MYBPC2: variants seen among roughly 807,000 people sequenced by gnomAD.
MYBPC2 encodes myosin binding protein C2.
MYBPC2 carries 122 observed loss-of-function variants against 137.0 expected under a neutral mutation model. The ratio of observed to expected loss-of-function variants is 0.89; its 90% CI spans 0.77 to 1.03. The LOEUF (loss-of-function observed/expected upper bound fraction) is 1.03. Among genes scored for constraint, MYBPC2 ranks in the 50% least tolerant of loss-of-function variants. The pLI is 0.00. For synonymous variants in MYBPC2, 626 were observed against 612.3 expected, an observed-to-expected ratio of 1.02 and a Z score of -0.33; for missense variants, 1,500 against 1,534.4, an observed-to-expected ratio of 0.98 and a Z score of 0.37.
intron 20 of MYBPC2, among the ~76,000 whole-genome samples, chr19:50,456,433 CTCTT>C (rs1177122162): frequency 1.3e-4 from 5 of 39,452 alleles, no homozygotes; most frequent in Non-Finnish European, 2.3e-4. Context: ...TTCTCTCTCT[CTCTT>C]TTTTTTTTTT....
Position 50,436,141 on chromosome 19 carries a change from C to A in MYBPC2, c.326C>A (p.Ser109Tyr). 1 of 1,581,858 alleles carries A rather than the reference C, an allele frequency of 6.3e-7. No homozygotes were observed. Among genetic ancestry groups the A allele is most frequent in the Non-Finnish European group, 8.6e-7 (1 of 1,164,270 alleles). ...GGCGCCCGCTTCTCCTTCAAGGAGT[C>A]CCACAACTCCGCCAGCAATGTGAGG... ...KSGARFSFKE[S>Y]HNSASNVYTV... The change falls in exon 4 of 28, where the codon TCC (serine) becomes TAC (tyrosine). Residue 109 changes from serine to tyrosine, a missense_variant. Ser to Tyr is a moderately radical substitution (Grantham distance 144). Coordinates refer to ENST00000357701, the MANE Select transcript of MYBPC2 (RefSeq NM_004533.4).
At chr19:50,459,035 G>A in intron 22 of MYBPC2, 29 bp downstream of exon 22, 3 of 1,584,546 alleles carry the variant, frequency 1.9e-6, no homozygotes, top group South Asian at 2.3e-5. Flanking sequence ...CGGGCCGGGG[G>A]TCCGCTCTCG....
rs1272036845 is a variant in MYBPC2 at position 50,465,567 on chromosome 19, C to T, written c.3416-628C>T. Among the ~76,000 whole-genome samples the T allele has an allele frequency of 6.6e-6, 1 of 152,218 alleles. No homozygotes were observed. The highest frequency in any genetic ancestry group is 1.9e-4 in the East Asian group (1 of 5,192). ...TCAGAGAGGACACTTTCTAGCCAAG[C>T]ACGGTGGCTCTCGCCTGTAATCCCA... is the stretch of plus-strand genomic sequence containing the variant. On this transcript the variant is annotated intron_variant, in intron 27 of 27. Coordinates refer to ENST00000357701, the MANE Select transcript of MYBPC2 (RefSeq NM_004533.4). The surrounding 1 kb of genome is among the most constrained non-coding windows in gnomAD (Gnocchi z 4.5).
chr19:50,436,484 C>G (rs1048899316), intron 4 of MYBPC2, 133 bp from the exon 5 acceptor site: 2 of 833,292 alleles, frequency 2.4e-6, no homozygotes, highest in African/African-American at 3.4e-5. Flanking sequence ...GCTGAGACCC[C>G]TCTCGGTCTC....
In MYBPC2 at chr19:50,460,167, C is replaced by G. The variant is rs1568669142; in HGVS notation, c.2919C>G (p.Asp973Glu). 1 of 1,599,452 alleles carries G rather than the reference C, an allele frequency of 6.3e-7. No individual in the cohort carries two copies. The highest frequency in any genetic ancestry group is 8.5e-7 in the Non-Finnish European group (1 of 1,173,786). Residue 973 changes from aspartate to glutamate, a missense_variant, in exon 24 of 28, where the codon GAC (aspartate) becomes GAG (glutamate). Coordinates refer to ENST00000357701, the MANE Select transcript of MYBPC2 (RefSeq NM_004533.4). The stretch of plus-strand genomic sequence containing the variant: ...TGGGGTATTTCGTCCAGAAAGCAGA[C>G]AAAAAAACCATGGTGAGAGAGCAGA... ...EIMGYFVQKADKKTMEWFNVY... is the reference protein window; with the variant it reads ...EIMGYFVQKAEKKTMEWFNVY...
At chr19:50,455,018 C>T (rs777878806) in intron 18 of MYBPC2, 90 bp from the exon 19 acceptor site, 93 of 1,282,190 alleles carry the variant, frequency 7.3e-5, no homozygotes, top group African/African-American at 8.9e-5. Flanking sequence ...CCTGGCCATG[C>T]GATCCTCTGG....
At position 50,441,029 on chromosome 19, in the gene MYBPC2, T is replaced by G. The variant is rs1448195045; in HGVS notation, c.722T>G (p.Met241Arg). The G allele has an allele frequency of 6.2e-7, 1 of 1,608,336 alleles. No homozygotes were observed. The change falls in exon 8 of 28, where the codon ATG (methionine) becomes AGG (arginine). Residue 241 changes from methionine to arginine, a missense_variant. Physicochemically the swap from Met to Arg is moderately conservative, Grantham distance 91. Coordinates refer to ENST00000357701, the MANE Select transcript of MYBPC2 (RefSeq NM_004533.4). Reference protein sequence around the residue: ...FQYGITDLRGMLKRLKKAKVE... With the variant: ...FQYGITDLRGRLKRLKKAKVE... Reference sequence around the variant, plus strand: ...TATGGCATCACCGACCTCCGGGGCATGCTGAAGCGGCTGAAAAAGGCTAAG... The same window carrying G: ...TATGGCATCACCGACCTCCGGGGCAGGCTGAAGCGGCTGAAAAAGGCTAAG...
chr19:50,439,008 C>A (rs966995140), intron 7 of MYBPC2, among the ~76,000 whole-genome samples: 4 of 152,090 alleles, frequency 2.6e-5, no homozygotes, highest in African/African-American at 9.7e-5. Context: ...CTGCAGCCAG[C>A]CAGCCACTTC....
chr19:50,443,379 C>A, intron 9 of MYBPC2, 115 bp from the exon 10 acceptor site: 2 of 1,298,686 alleles, frequency 1.5e-6, no homozygotes, highest in Non-Finnish European at 1.0e-6. Context: ...CCTTTCCACA[C>A]AATTTGGCTC....
At chr19:50,445,394 CTTTT>C (rs1256768181) in intron 11 of MYBPC2, among the ~76,000 whole-genome samples, 1 of 137,438 alleles carries the variant, frequency 7.3e-6, no homozygotes. Flanking sequence ...TCCTCACTGC[CTTTT>C]TTTTTTTTTT....
intron 16 of MYBPC2, among the ~76,000 whole-genome samples, chr19:50,452,616 G>C (rs1356335196): frequency 6.6e-6 from 1 of 152,028 alleles, no homozygotes. Context: ...GGAGTGCAGT[G>C]GCGTAGTCTT....
At chr19:50,433,015 T>C in intron 1 of MYBPC2, 43 bp downstream of exon 1, 1 of 1,552,070 alleles carries the variant, frequency 6.4e-7, no homozygotes, top group Non-Finnish European at 8.7e-7. Context: ...GGGGCTCTTC[T>C]TTTCTGGATG....
chr19:50,435,278 C>A lies in MYBPC2; in HGVS notation c.109+28C>A. Reference sequence around the variant, plus strand: ...GAGGAGGTGCTCCCTCGGGCTCAACCGACCTGGCTTCTCATCTCCATCCTC... The same window carrying A: ...GAGGAGGTGCTCCCTCGGGCTCAACAGACCTGGCTTCTCATCTCCATCCTC... On this transcript the variant is annotated intron_variant, in intron 2 of 27. Coordinates refer to ENST00000357701, the MANE Select transcript of MYBPC2 (RefSeq NM_004533.4). The surrounding 1 kb of genome is among the most constrained non-coding windows in gnomAD (Gnocchi z 4.8). The A allele has an allele frequency of 1.2e-6, 1 of 813,444 alleles. No individual in the cohort carries two copies. Among genetic ancestry groups the A allele is most frequent in the Non-Finnish European group, 2.1e-6 (1 of 470,650 alleles). 50.4% of individuals were successfully genotyped at this position (813,444 alleles called of 1,614,324 possible).
At chr19:50,442,534 G>A (rs1342472086) in intron 9 of MYBPC2, among the ~76,000 whole-genome samples, 4 of 152,046 alleles carry the variant, frequency 2.6e-5, no homozygotes, top group Non-Finnish European at 2.9e-5. Flanking sequence ...GGCTAACATG[G>A]TGAAACCCCA....
At chr19:50,442,057 C>T in intron 8 of MYBPC2, 124 bp from the exon 9 acceptor site, 1 of 1,271,306 alleles carries the variant, frequency 7.9e-7, no homozygotes, top group Non-Finnish European at 1.1e-6. Flanking sequence ...TAGGAGGCCC[C>T]CTGACTTCCT....
chr19:50,437,451 T>C, intron 5 of MYBPC2, 22 bp from the exon 6 acceptor site: 1 of 1,606,698 alleles, frequency 6.2e-7, no homozygotes, highest in Non-Finnish European at 8.5e-7. Flanking sequence ...TCACCTTCCC[T>C]TCTCTCATCA....
Position 50,435,237 on chromosome 19 carries a change from A to G in MYBPC2, c.96A>G (p.Ala32=), listed in dbSNP as rs1296034981. ...AGGCTCCCCCTAAGGAGGCTCCTGC[A>G]GAGGCCCCCAAAGGTGAGGAGGTGC... is the stretch of plus-strand genomic sequence containing the variant. ...PKEAPPKEAP[A]EAPKEAPPED... is the part of the protein sequence containing the mutation. The change falls in exon 2 of 28, where the codon GCA becomes GCG. Residue 32 remains alanine, a synonymous_variant. Transcript: ENST00000357701. The surrounding 1 kb of genome is among the most constrained non-coding windows in gnomAD (Gnocchi z 4.8). The G allele has an allele frequency of 4.0e-6, 5 of 1,255,394 alleles. No individual in the cohort carries two copies. The highest frequency in any genetic ancestry group is 4.6e-6 in the Non-Finnish European group (4 of 864,268). 77.8% of individuals were successfully genotyped at this position (1,255,394 alleles called of 1,614,324 possible). A position where few individuals can be genotyped will look rare whatever the true frequency, so the allele number is the denominator to read the frequency against.
At chr19:50,456,432 TCTC>T (rs142191970) in intron 20 of MYBPC2, among the ~76,000 whole-genome samples, 32 of 36,238 alleles carry the variant, frequency 8.8e-4, no homozygotes, top group Admixed American at 1.9e-3. Context: ...TTTCTCTCTC[TCTC>T]TTTTTTTTTT....
intron 13 of MYBPC2, among the ~76,000 whole-genome samples, chr19:50,450,595 G>C (rs2039846715): frequency 6.6e-6 from 1 of 152,176 alleles, no homozygotes; most frequent in African/African-American, 2.4e-5. Flanking sequence ...CCTTGATGTA[G>C]ATGGATATCA....
Sources: allele counts gnomAD v4.1 joint callset (sites outside exome capture counted in the v4.1 genomes callset), GRCh38; gene constraint gnomAD v4.1.1; non-coding constraint Gnocchi (gnomAD v3.1); transcripts MANE v1.5; gene names NCBI Gene and HGNC (gene_info 2026-07-23, HGNC 2026-07-21).